Variants in DLGAP1 observed in about 807,000 individuals in gnomAD.
DLGAP1 encodes the protein disks large-associated protein 1.
In DLGAP1, 11 loss-of-function variants were observed where a neutral mutation model predicts 90.8. The ratio of observed to expected loss-of-function variants is 0.12; its 90% CI spans 0.08 to 0.20. The LOEUF (loss-of-function observed/expected upper bound fraction) is 0.20. DLGAP1 is among the 10% of genes least tolerant of loss of function. The pLI, the probability that DLGAP1 is intolerant of heterozygous loss-of-function variation, is 1.00. For synonymous variants in DLGAP1, 558 were observed against 540.7 expected (o/e 1.03, Z -0.44); for missense variants, 1,050 against 1,333.8 (o/e 0.79, Z 3.31).
chr18:3,587,124 G>A (rs2055932977), intron 7 of DLGAP1, among the ~76,000 whole-genome samples: 8 of 152,082 alleles, frequency 5.3e-5, no homozygotes, highest in Admixed American at 5.2e-4. Flanking sequence ...GTGCAATCTC[G>A]GCTCACTGCA....
chr18:3,989,655 C>A (rs1002268317), intron 3 of DLGAP1, among the ~76,000 whole-genome samples: 1 of 152,172 alleles, frequency 6.6e-6, no homozygotes, highest in South Asian at 2.1e-4. Flanking sequence ...AACTAAAGAG[C>A]TTCTGCACAG....
intron 2 of DLGAP1, among the ~76,000 whole-genome samples, chr18:4,106,962 T>C (rs1253188414): frequency 6.6e-6 from 1 of 152,202 alleles, no homozygotes; most frequent in African/African-American, 2.4e-5. Context: ...GATTTTGTTA[T>C]AGTTGTTTCA....
chr18:4,054,669 C>G lies in DLGAP1; in HGVS notation c.-158-49468G>C, dbSNP rs73380600. The stretch of plus-strand genomic sequence containing the variant: ...GAAATTATACTGAAGGTACAAGACC[C>G]AAACACACCAAGATGACAATGCTAC... On this transcript the variant is annotated intron_variant, in intron 2 of 12. Transcript: ENST00000315677. Among the ~76,000 whole-genome samples the G allele has an allele frequency of 5.7e-3, 861 of 152,248 alleles. 9 individuals carry two copies. The highest frequency in any genetic ancestry group is 0.019 in the African/African-American group (801 of 41,554).
chr18:3,551,054 C>T (rs2053377363), intron 9 of DLGAP1, among the ~76,000 whole-genome samples: 1 of 151,624 alleles, frequency 6.6e-6, no homozygotes, highest in Non-Finnish European at 1.5e-5. Context: ...CAGAACCAGA[C>T]TTATGCCTCT....
intron 3 of DLGAP1, among the ~76,000 whole-genome samples, chr18:3,976,879 T>A (rs2073593162): frequency 6.6e-6 from 1 of 152,220 alleles, no homozygotes; most frequent in Non-Finnish European, 1.5e-5. Flanking sequence ...TATCATTTTT[T>A]AAATCTGTTA....
chr18:4,232,418 T>C (rs1429708713), intron 1 of DLGAP1, among the ~76,000 whole-genome samples: 2 of 152,156 alleles, frequency 1.3e-5, no homozygotes, highest in African/African-American at 4.8e-5. Context: ...TGGTTAGACT[T>C]GTTTTCTCGA....
chr18:4,190,575 C>T (rs1175966685), intron 1 of DLGAP1, among the ~76,000 whole-genome samples: 1 of 151,994 alleles, frequency 6.6e-6, no homozygotes, highest in East Asian at 1.9e-4. Flanking sequence ...AACAAACGTA[C>T]CTTACTAATG....
At chr18:3,740,765 A>G (rs1598532274) in intron 6 of DLGAP1, among the ~76,000 whole-genome samples, 1 of 149,672 alleles carries the variant, frequency 6.7e-6, no homozygotes, top group Admixed American at 6.7e-5. Context: ...CACTGTCACC[A>G]TCACTATCAC....
rs1249592261 is a variant in DLGAP1, at chr18:4,383,019, T to C, written c.-267+71987A>G. 6.6e-6 allele frequency among the ~76,000 whole-genome samples: 1 copy of C among 152,140 alleles called. No individual in the cohort carries two copies. The highest frequency in any genetic ancestry group is 1.5e-5 in the Non-Finnish European group (1 of 68,022). On this transcript the variant is annotated intron_variant, in intron 1 of 12. Transcript: ENST00000315677. This position sits in a 1 kb window ranked among gnomAD's most constrained non-coding sequence, Gnocchi z 4.0. ...AACTGTATTTAGAATTCACAGAGGA[T>C]AACCAGCCATGTCTTTCCATTACAT...
chr18:3,694,938 TG>T (rs1478007701), intron 7 of DLGAP1, among the ~76,000 whole-genome samples: 12 of 135,838 alleles, frequency 8.8e-5, no homozygotes, highest in East Asian at 4.4e-4. Context: ...GTGTTTTTTT[TG>T]TTTTTTTTTT....
intron 1 of DLGAP1, among the ~76,000 whole-genome samples, chr18:4,436,063 T>C (rs2083392113): frequency 6.6e-6 from 1 of 152,152 alleles, no homozygotes; most frequent in Non-Finnish European, 1.5e-5. Context: ...AGGAGAAAGT[T>C]AGAAGCTCAG....
intron 8 of DLGAP1, among the ~76,000 whole-genome samples, chr18:3,576,288 C>G (rs1599328811): frequency 6.7e-6 from 1 of 148,924 alleles, no homozygotes; most frequent in African/African-American, 2.5e-5. Context: ...GAGACGGAGT[C>G]TTGCTCTGTC....
chr18:3,974,914 AAATT>A (rs2073538168), intron 3 of DLGAP1, among the ~76,000 whole-genome samples: 1 of 152,218 alleles, frequency 6.6e-6, no homozygotes, highest in Non-Finnish European at 1.5e-5. Flanking sequence ...ATAAAAATAA[AAATT>A]AATCAGTCTC....
intron 6 of DLGAP1, among the ~76,000 whole-genome samples, chr18:3,740,834 A>AT (rs2147635230): frequency 6.7e-6 from 1 of 149,728 alleles, no homozygotes; most frequent in South Asian, 2.1e-4. Context: ...TGCTATTACC[A>AT]TAATCATCAC....
intron 1 of DLGAP1, among the ~76,000 whole-genome samples, chr18:4,278,980 C>A (rs1182726120): frequency 6.6e-6 from 1 of 152,112 alleles, no homozygotes; most frequent in Non-Finnish European, 1.5e-5. Context: ...AAAAATATTC[C>A]TGACCTTGGA....
chr18:4,225,505 A>G (rs2078167608), intron 1 of DLGAP1, among the ~76,000 whole-genome samples: 1 of 152,152 alleles, frequency 6.6e-6, no homozygotes, highest in Non-Finnish European at 1.5e-5. Flanking sequence ...AGGACCTTTC[A>G]GATAGAGAAT....
intron 5 of DLGAP1, among the ~76,000 whole-genome samples, chr18:3,772,935 T>C (rs1427173032): frequency 1.3e-5 from 2 of 152,174 alleles, no homozygotes; most frequent in Admixed American, 6.5e-5. Context: ...CAGCATGGTA[T>C]TGAACGGAGC....
chr18:3,600,739 G>GATATATAGATATATATAGATATATAGAT (rs1568277545), intron 7 of DLGAP1, among the ~76,000 whole-genome samples: 1 of 11,208 alleles, frequency 8.9e-5, no homozygotes, highest in East Asian at 1.3e-3. Context: ...GATATATATA[G>GATATATAGATATATATAGATATATAGAT]ATATATAGAT....
At chr18:4,166,952 AAT>A (rs1313650997) in intron 1 of DLGAP1, among the ~76,000 whole-genome samples, 1 of 152,204 alleles carries the variant, frequency 6.6e-6, no homozygotes, top group African/African-American at 2.4e-5. Context: ...GAAGATAGAT[AAT>A]GTTTGCATAA....
Sources: gnomAD v4.1 joint callset for allele counts (sites outside exome capture counted in the v4.1 genomes callset) on GRCh38, gnomAD v4.1.1 for gene constraint, Gnocchi (gnomAD v3.1) non-coding constraint, MANE v1.5 for transcripts, NCBI Gene and HGNC (gene_info 2026-07-23, HGNC 2026-07-21) for gene names.